NEBL: variants seen among roughly 807,000 people sequenced by gnomAD.
NEBL encodes nebulette, also known as LIM and SH3 protein 2.
In NEBL, 122 loss-of-function variants were observed where a neutral mutation model predicts 140.2. The ratio of observed to expected loss-of-function variants is 0.87; its 90% CI spans 0.75 to 1.01. The LOEUF (loss-of-function observed/expected upper bound fraction) is 1.01, where lower values mean the gene tolerates loss of function less well. Ranked by LOEUF, NEBL falls within the 50% of genes least tolerant of loss-of-function variation. The pLI, the probability that NEBL is intolerant of heterozygous loss-of-function variation, is 0.00. For missense variants in NEBL, 1,365 were observed against 1,231.3 expected (o/e 1.11, Z -1.62); for synonymous variants, 436 against 398.9 (o/e 1.09, Z -1.11).
intron 7 of NEBL, among the ~76,000 whole-genome samples, chr10:20,865,496 T>C (rs1844181474): frequency 6.6e-6 from 1 of 152,132 alleles, no homozygotes; most frequent in African/African-American, 2.4e-5. Flanking sequence ...GTACATTTTC[T>C]TAACCACTAG....
chr10:20,969,897 CT>C (rs1452947085), intron 3 of NEBL, among the ~76,000 whole-genome samples: 1 of 152,068 alleles, frequency 6.6e-6, no homozygotes, highest in African/African-American at 2.4e-5. Context: ...AAAATTACCC[CT>C]AAGACACTCA....
At chr10:21,229,679 G>A (rs779239874) in intron 3 of NEBL, among the ~76,000 whole-genome samples, 3 of 152,102 alleles carry the variant, frequency 2.0e-5, no homozygotes, top group African/African-American at 4.8e-5. Flanking sequence ...TCTCAAGAAG[G>A]TAGGAGGGGA....
At chr10:20,905,619 C>T (rs1253925068) in intron 4 of NEBL, among the ~76,000 whole-genome samples, 1 of 152,112 alleles carries the variant, frequency 6.6e-6, no homozygotes, top group Non-Finnish European at 1.5e-5. Flanking sequence ...CAAAGCCAAA[C>T]CATGTCACCA....
chr10:21,139,538 G>A (rs116015764), intron 2 of NEBL, among the ~76,000 whole-genome samples: 264 of 152,218 alleles, frequency 1.7e-3, no homozygotes, highest in African/African-American at 5.8e-3. Flanking sequence ...AATTATATGA[G>A]GTTTAGCCTC....
intron 1 of NEBL, among the ~76,000 whole-genome samples, chr10:21,290,305 G>A (rs922855705): frequency 9.9e-5 from 15 of 152,110 alleles, no homozygotes; most frequent in African/African-American, 3.4e-4. Context: ...ATGATGCTCC[G>A]GTATGCTGAG....
intron 4 of NEBL, among the ~76,000 whole-genome samples, chr10:20,925,521 A>T (rs1833865042): frequency 6.6e-6 from 1 of 152,092 alleles, no homozygotes; most frequent in African/African-American, 2.4e-5. Flanking sequence ...AAAAGCATGG[A>T]CTTCCTCACA....
intron 4 of NEBL, among the ~76,000 whole-genome samples, chr10:20,929,395 C>G (rs898736926): frequency 2.6e-5 from 4 of 151,940 alleles, no homozygotes; most frequent in African/African-American, 9.7e-5. Context: ...CCTGCCTTTC[C>G]TAGTCAATAA....
intron 3 of NEBL, among the ~76,000 whole-genome samples, chr10:20,966,654 C>T (rs1836329991): frequency 6.6e-6 from 1 of 152,108 alleles, no homozygotes; most frequent in Admixed American, 6.6e-5. Context: ...CAGTTCTGGA[C>T]CAGCTTAAGG....
intron 3 of NEBL, among the ~76,000 whole-genome samples, chr10:20,990,695 A>G (rs1344572127): frequency 6.6e-6 from 1 of 152,250 alleles, no homozygotes; most frequent in Non-Finnish European, 1.5e-5. Context: ...AATTTATGCA[A>G]GTTAAAATTA....
chr10:20,950,428 C>T (rs998257051), intron 4 of NEBL, among the ~76,000 whole-genome samples: 18 of 152,164 alleles, frequency 1.2e-4, no homozygotes, highest in African/African-American at 3.6e-4. Flanking sequence ...AAGGAGACGC[C>T]GGGTGTTCCT....
intron 23 of NEBL, chr10:20,813,716 G>A: frequency 1.9e-6 from 1 of 539,620 alleles, no homozygotes; most frequent in Admixed American, 3.1e-5. Flanking sequence ...AGTCACGTTA[G>A]AAATAAAGAC....
intron 26 of NEBL, among the ~76,000 whole-genome samples, chr10:20,804,814 A>G (rs1837458049): frequency 6.6e-6 from 1 of 152,176 alleles, no homozygotes; most frequent in Non-Finnish European, 1.5e-5. Flanking sequence ...CGCAATGATG[A>G]AAATTTGGGT....
In NEBL at chr10:21,290,726, T is replaced by C. The variant is rs573058587; in HGVS notation, n.182+2104A>G. Among the ~76,000 whole-genome samples the C allele has an allele frequency of 9.2e-5, 14 of 152,258 alleles. No individual in the cohort carries two copies. The South Asian group carries it at 2.9e-3, about 32-fold the overall frequency. On this transcript the variant is annotated intron_variant and non_coding_transcript_variant, in intron 1 of 8. Coordinates refer to the NEBL transcript ENST00000675702. ...ACCTCCCCCAGAGCTCAGAACTTTGTCCCAGGCCATTGTCTATTATTTGGG... is the reference window on the plus strand; with the variant it reads ...ACCTCCCCCAGAGCTCAGAACTTTGCCCCAGGCCATTGTCTATTATTTGGG...
intron 2 of NEBL, among the ~76,000 whole-genome samples, chr10:21,041,967 G>T (rs1834287969): frequency 6.6e-6 from 1 of 152,182 alleles, no homozygotes; most frequent in Non-Finnish European, 1.5e-5. Flanking sequence ...CAGCGAGGAT[G>T]ACCAGAGGTC....
chr10:21,110,850 G>T, intron 2 of NEBL: 3 of 615,648 alleles, frequency 4.9e-6, no homozygotes, highest in East Asian at 2.9e-5. Context: ...CAGAGGCAAT[G>T]AATTACAAAT....
chr10:20,824,181 G>T (rs988043841), intron 18 of NEBL, among the ~76,000 whole-genome samples: 1 of 152,044 alleles, frequency 6.6e-6, no homozygotes, highest in Non-Finnish European at 1.5e-5. Flanking sequence ...GAATGAAAAG[G>T]ATACATATAT....
chr10:21,287,444 A>G (rs1843072167), intron 1 of NEBL, among the ~76,000 whole-genome samples: 1 of 152,018 alleles, frequency 6.6e-6, no homozygotes, highest in East Asian at 1.9e-4. Context: ...GCTGAGGCAA[A>G]AGAATAGCCT....
At chr10:21,269,234 T>G (rs116778304) in intron 1 of NEBL, among the ~76,000 whole-genome samples, 1,944 of 152,280 alleles carry the variant, frequency 0.013, 57 homozygotes, top group African/African-American at 0.044. Context: ...GGGTTGGTTG[T>G]GTACAACAAC....
chr10:21,136,757 C>T (rs188332989), intron 2 of NEBL, among the ~76,000 whole-genome samples: 2 of 152,180 alleles, frequency 1.3e-5, no homozygotes, highest in African/African-American at 4.8e-5. Context: ...CTTCCCAAAC[C>T]AGCAAATATT....
Sources: allele counts gnomAD v4.1 joint callset (sites outside exome capture counted in the v4.1 genomes callset), GRCh38; gene constraint gnomAD v4.1.1; transcripts MANE v1.5; gene names NCBI Gene and HGNC (gene_info 2026-07-23, HGNC 2026-07-21).